C8orf34: variants seen among roughly 807,000 people sequenced by gnomAD.
C8orf34 encodes chromosome 8 open reading frame 34, also known as uncharacterized protein C8orf34.
A neutral mutation model predicts 68.3 loss-of-function variants in C8orf34; 65 were observed. That is an observed-to-expected ratio of 0.95 (90% CI 0.78 to 1.17). C8orf34 has a LOEUF of 1.17. Ranked by LOEUF, C8orf34 falls within the 50% of genes most tolerant of loss-of-function variation. The pLI, the probability that C8orf34 is intolerant of heterozygous loss-of-function variation, is 0.00. For missense variants in C8orf34, 664 were observed against 655.4 expected (o/e 1.01, Z -0.14); for synonymous variants, 244 against 241.2 (o/e 1.01, Z -0.11).
At chr8:68,576,548 A>G (rs1816912198) in intron 7 of C8orf34, among the ~76,000 whole-genome samples, 1 of 151,566 alleles carries the variant, frequency 6.6e-6, no homozygotes, top group African/African-American at 2.4e-5. Flanking sequence ...TAATAAATTT[A>G]TTATAGGTAA....
chr8:68,432,714 A>G (rs968219834), intron 1 of C8orf34, among the ~76,000 whole-genome samples: 2 of 151,840 alleles, frequency 1.3e-5, no homozygotes, highest in Non-Finnish European at 2.9e-5. Context: ...TTGAACCACT[A>G]GGGGACAGTC....
At chr8:68,760,964 G>A (rs532654739) in intron 10 of C8orf34, among the ~76,000 whole-genome samples, 16 of 152,152 alleles carry the variant, frequency 1.1e-4, no homozygotes, top group African/African-American at 2.6e-4. Context: ...AATCTTTTTC[G>A]TCTCAGCTTC....
intron 10 of C8orf34, among the ~76,000 whole-genome samples, chr8:68,725,012 T>A (rs535716355): frequency 7.2e-5 from 11 of 152,028 alleles, no homozygotes; most frequent in African/African-American, 2.7e-4. Context: ...GGACTACAGG[T>A]GTGCACCAAC....
intron 10 of C8orf34, among the ~76,000 whole-genome samples, chr8:68,776,098 T>C (rs1823507488): frequency 6.6e-6 from 1 of 152,210 alleles, no homozygotes; most frequent in Admixed American, 6.5e-5. Flanking sequence ...CAAACCACCA[T>C]GGCACATGTT....
At position 68,640,524 on chromosome 8, in the gene C8orf34, A is replaced by G; in HGVS notation, c.1241+13A>G. On this transcript the variant is annotated intron_variant, in intron 8 of 13. Coordinates refer to ENST00000518698, the MANE Select transcript of C8orf34 (RefSeq NM_052958.4). ...CAAGGTGTGCCAGGTAAAAGACATA[A>G]TAGGTATAGTATATATAAACATGAT... 6.2e-7 allele frequency: 1 copy of G among 1,610,636 alleles called. No individual in the cohort carries two copies. Among genetic ancestry groups the G allele is most frequent in the African/African-American group, 1.3e-5 (1 of 74,870 alleles).
chr8:68,394,403 A>G (rs1185192051), intron 1 of C8orf34, among the ~76,000 whole-genome samples: 2 of 151,686 alleles, frequency 1.3e-5, no homozygotes, highest in African/African-American at 2.4e-5. Context: ...CCATGTCCCT[A>G]CAAAGGACAT....
intron 1 of C8orf34, among the ~76,000 whole-genome samples, chr8:68,406,643 C>T (rs888107446): frequency 4.0e-5 from 6 of 151,836 alleles, no homozygotes; most frequent in African/African-American, 7.3e-5. Context: ...CTATAGGCAC[C>T]GGCCACCACA....
At chr8:68,602,749 G>A (rs979498749) in intron 7 of C8orf34, among the ~76,000 whole-genome samples, 7 of 152,070 alleles carry the variant, frequency 4.6e-5, no homozygotes, top group African/African-American at 7.2e-5. Context: ...GTACTAGATC[G>A]TTGACATCAC....
At chr8:68,731,375 A>G (rs540888413) in intron 10 of C8orf34, among the ~76,000 whole-genome samples, 1 of 152,306 alleles carries the variant, frequency 6.6e-6, no homozygotes, top group East Asian at 1.9e-4. Flanking sequence ...ACAAACCAAA[A>G]AAATACTTTA....
chr8:68,503,382 T>G (rs1156342996), intron 5 of C8orf34, among the ~76,000 whole-genome samples: 1 of 152,200 alleles, frequency 6.6e-6, no homozygotes, highest in African/African-American at 2.4e-5. Flanking sequence ...GTAGAAGCGA[T>G]GTGCCAGGTG....
intron 7 of C8orf34, among the ~76,000 whole-genome samples, chr8:68,618,827 A>T (rs1308407994): frequency 6.6e-6 from 1 of 152,240 alleles, no homozygotes; most frequent in African/African-American, 2.4e-5. Flanking sequence ...CATTTGTGTC[A>T]GCCTTCAATA....
At chr8:68,434,773 G>T (rs186606715) in intron 1 of C8orf34, among the ~76,000 whole-genome samples, 16 of 152,160 alleles carry the variant, frequency 1.1e-4, no homozygotes, top group African/African-American at 3.9e-4. Context: ...GAGGCTGGGC[G>T]CAGTGGCTCA....
intron 8 of C8orf34, among the ~76,000 whole-genome samples, chr8:68,685,843 C>T (rs1820499500): frequency 6.6e-6 from 1 of 151,332 alleles, no homozygotes; most frequent in African/African-American, 2.4e-5. Context: ...TGCCACTACA[C>T]TCCAGCCTGG....
chr8:68,465,581 G>A (rs1586196652), intron 3 of C8orf34, among the ~76,000 whole-genome samples: 1 of 152,116 alleles, frequency 6.6e-6, no homozygotes, highest in Non-Finnish European at 1.5e-5. Flanking sequence ...ACTGGTTTAA[G>A]AAAATGTGGC....
At chr8:68,356,911 A>T (rs1245636844) in intron 1 of C8orf34, among the ~76,000 whole-genome samples, 1 of 152,126 alleles carries the variant, frequency 6.6e-6, no homozygotes, top group East Asian at 1.9e-4. Context: ...GGAGATATTG[A>T]TCTAATTCAT....
chr8:68,493,265 A>T (rs1813390640), intron 5 of C8orf34, among the ~76,000 whole-genome samples: 1 of 150,164 alleles, frequency 6.7e-6, no homozygotes. Context: ...TATATGAATA[A>T]CTCCTATAAC....
At chr8:68,519,750 A>G (rs1262225473) in intron 5 of C8orf34, among the ~76,000 whole-genome samples, 1 of 152,124 alleles carries the variant, frequency 6.6e-6, no homozygotes, top group African/African-American at 2.4e-5. Flanking sequence ...GAAGAATTTT[A>G]TGGTTTAACT....
intron 5 of C8orf34, among the ~76,000 whole-genome samples, chr8:68,519,343 G>C (rs559999661): frequency 6.6e-6 from 1 of 152,216 alleles, no homozygotes; most frequent in South Asian, 2.1e-4. Context: ...TACAAATTTC[G>C]TATACATATG....
At chr8:68,816,908 A>C (rs1056592954) in intron 13 of C8orf34, among the ~76,000 whole-genome samples, 2 of 152,154 alleles carry the variant, frequency 1.3e-5, no homozygotes, top group Admixed American at 1.3e-4. Flanking sequence ...AAAGCTATGA[A>C]TCCATTATGA....
Sources: gnomAD v4.1 joint callset for allele counts (sites outside exome capture counted in the v4.1 genomes callset) on GRCh38, gnomAD v4.1.1 for gene constraint, MANE v1.5 for transcripts, NCBI Gene and HGNC (gene_info 2026-07-23, HGNC 2026-07-21) for gene names.